The following NOX4 variants were observed in gnomAD, a reference collection of about 807,000 sequenced individuals.
The protein encoded by NOX4 is NADPH oxidase 4.
NOX4 carries 69 observed loss-of-function variants against 87.6 expected under a neutral mutation model. That is an observed-to-expected ratio of 0.79 (90% CI 0.65 to 0.96). The LOEUF is 0.96. NOX4 is among the 40% of genes least tolerant of loss of function. NOX4 has a pLI of 0.00. For missense variants in NOX4, 680 were observed against 681.5 expected (o/e 1.00, Z 0.02); for synonymous variants, 275 against 238.2 (o/e 1.15, Z -1.42).
intron 11 of NOX4, among the ~76,000 whole-genome samples, chr11:89,386,474 T>C (rs747608194): frequency 2.0e-5 from 3 of 152,158 alleles, no homozygotes; most frequent in Non-Finnish European, 2.9e-5. Flanking sequence ...TTCACCCTGA[T>C]GAAGTCCTAT....
At chr11:89,349,687 A>G (rs1946374304) in intron 13 of NOX4, among the ~76,000 whole-genome samples, 1 of 152,218 alleles carries the variant, frequency 6.6e-6, no homozygotes, top group African/African-American at 2.4e-5. Flanking sequence ...CGATATTAGG[A>G]AGCTCAGAGA....
At chr11:89,575,066 C>T in the NOX4 span, among the ~76,000 whole-genome samples, 1 of 151,972 alleles carries the variant, frequency 6.6e-6, no homozygotes, top group South Asian at 2.1e-4. Context: ...GCCTGTAATC[C>T]CCACTACTCT....
At position 89,400,268 on chromosome 11, in the gene NOX4, C is replaced by T; in HGVS notation, c.958G>A (p.Asp320Asn). 1 of 1,613,052 alleles carries T rather than the reference C, an allele frequency of 6.2e-7. No homozygotes were observed. Among genetic ancestry groups the T allele is most frequent in the Non-Finnish European group, 8.5e-7 (1 of 1,179,346 alleles). The change falls in exon 10 of 18, where the codon GAT becomes AAT. Residue 320 changes from aspartate to asparagine, a missense_variant. Physicochemically the swap from Asp to Asn is conservative, Grantham distance 23 (BLOSUM62 1). Coordinates refer to ENST00000263317, the MANE Select transcript of NOX4 (RefSeq NM_016931.5). ...TIISVMSHPS[D>N]VMEIRMVKEN... ...TTGACCATTCGGATTTCCATGACAT[C>T]TGAGGGATGACTCATGACCGAAATG...
the NOX4 span, among the ~76,000 whole-genome samples, chr11:89,564,598 G>A: frequency 7.9e-5 from 12 of 152,116 alleles, no homozygotes; most frequent in Non-Finnish European, 1.3e-4. Context: ...TAACTGGGTA[G>A]CCTTTTCATA....
chr11:89,394,031 AC>A (rs1941301548), intron 11 of NOX4, among the ~76,000 whole-genome samples: 1 of 152,080 alleles, frequency 6.6e-6, no homozygotes, highest in Admixed American at 6.6e-5. Flanking sequence ...CACATCTGTT[AC>A]CATAATCACA....
chr11:89,505,516 C>T, the NOX4 span, among the ~76,000 whole-genome samples: 4 of 151,714 alleles, frequency 2.6e-5, no homozygotes, highest in East Asian at 7.8e-4. Flanking sequence ...TCAGAGGAGT[C>T]TCAGATACTA....
chr11:89,568,783 T>A, the NOX4 span, among the ~76,000 whole-genome samples: 1 of 152,146 alleles, frequency 6.6e-6, no homozygotes, highest in Non-Finnish European at 1.5e-5. Context: ...AAGGCAACAG[T>A]AACCAAAGCA....
At chr11:89,352,243 C>T (rs1016524409) in intron 13 of NOX4, among the ~76,000 whole-genome samples, 34 of 152,058 alleles carry the variant, frequency 2.2e-4, no homozygotes, top group African/African-American at 7.5e-4. Flanking sequence ...AAATTACATA[C>T]GTACCACAAA....
At chr11:89,472,763 C>G (rs531604108) in intron 2 of NOX4, among the ~76,000 whole-genome samples, 65 of 152,250 alleles carry the variant, frequency 4.3e-4, no homozygotes, top group Non-Finnish European at 8.4e-4. Flanking sequence ...GCCTGTCTGG[C>G]AAAGTTAAAC....
the NOX4 span, among the ~76,000 whole-genome samples, chr11:89,542,631 T>C: frequency 3.3e-5 from 5 of 152,288 alleles, no homozygotes; most frequent in Admixed American, 2.0e-4. Context: ...CCATGTTTCA[T>C]AGGGCAGCTT....
intron 17 of NOX4, among the ~76,000 whole-genome samples, 189 bp downstream of exon 17, chr11:89,335,652 TTTAA>T (rs1295460347): frequency 6.6e-6 from 1 of 151,860 alleles, no homozygotes; most frequent in Non-Finnish European, 1.5e-5. Context: ...TAAGCCAAAC[TTTAA>T]TTATTTGGAA....
the NOX4 span, among the ~76,000 whole-genome samples, chr11:89,587,653 A>G: frequency 6.6e-6 from 1 of 152,186 alleles, no homozygotes. Context: ...CTTAGGGACA[A>G]TTTCACTGGA....
chr11:89,439,612 A>G (rs1944369757), intron 6 of NOX4, among the ~76,000 whole-genome samples: 2 of 152,284 alleles, frequency 1.3e-5, no homozygotes, highest in South Asian at 4.1e-4. Flanking sequence ...ACACCCAACA[A>G]TTTATGATAG....
intron 13 of NOX4, among the ~76,000 whole-genome samples, chr11:89,352,224 C>T (rs532932181): frequency 2.0e-5 from 3 of 152,152 alleles, no homozygotes; most frequent in Non-Finnish European, 2.9e-5. Flanking sequence ...ACAATCTATC[C>T]ATGTATCAAA....
the NOX4 span, among the ~76,000 whole-genome samples, chr11:89,550,654 G>A: frequency 6.6e-6 from 1 of 151,652 alleles, no homozygotes; most frequent in Non-Finnish European, 1.5e-5. Context: ...TTTTTTTCTT[G>A]TAAATTTGTT....
At chr11:89,339,966 G>C in intron 15 of NOX4, 97 bp downstream of exon 15, 1 of 594,442 alleles carries the variant, frequency 1.7e-6, no homozygotes, top group Non-Finnish European at 2.9e-6. Context: ...AATTTCTATG[G>C]TTTATTCTAT....
upstream of NOX4, chr11:89,498,713 G>A (rs142670346): frequency 7.4e-3 from 1,131 of 152,344 alleles, 5 homozygotes; most frequent in Middle Eastern, 0.014. Context: ...CATCACAGGG[G>A]ATTCTTAAGC....
the NOX4 span, among the ~76,000 whole-genome samples, chr11:89,543,887 G>A: frequency 4.6e-5 from 7 of 151,780 alleles, no homozygotes; most frequent in Non-Finnish European, 4.4e-5. Flanking sequence ...ATTAATAGTC[G>A]AGGTGACCAC....
intron 7 of NOX4, among the ~76,000 whole-genome samples, chr11:89,431,497 CT>C (rs1943780267): frequency 6.6e-6 from 1 of 151,094 alleles, no homozygotes; most frequent in African/African-American, 2.4e-5. Flanking sequence ...AAAACTCAAA[CT>C]TACAAGAAAA....
Sources: gnomAD v4.1 joint callset for allele counts (sites outside exome capture counted in the v4.1 genomes callset) on GRCh38, gnomAD v4.1.1 for gene constraint, MANE v1.5 for transcripts, NCBI Gene and HGNC (gene_info 2026-07-23, HGNC 2026-07-21) for gene names.